EXD3: variants seen among roughly 807,000 people sequenced by gnomAD.
EXD3 encodes the protein exonuclease 3'-5' domain containing 3.
In EXD3, 92 loss-of-function variants were observed where a neutral mutation model predicts 98.0. The observed-to-expected ratio is 0.94, with a 90% confidence interval of 0.79 to 1.12. EXD3 has a LOEUF of 1.12. EXD3 is among the 50% of genes most tolerant of loss of function. The pLI is 0.00. For synonymous variants in EXD3, 569 were observed against 526.0 expected, an observed-to-expected ratio of 1.08 and a Z score of -1.12; for missense variants, 1,222 against 1,191.6, an observed-to-expected ratio of 1.03 and a Z score of -0.38.
At chr9:137,307,322 G>T in intron 21 of EXD3, 59 bp from the exon 22 acceptor site, 2 of 1,442,206 alleles carry the variant, frequency 1.4e-6, no homozygotes, top group Non-Finnish European at 1.8e-6. Flanking sequence ...CCCCCAGGCT[G>T]CTCCCAGAGT....
intron 1 of EXD3, among the ~76,000 whole-genome samples, chr9:137,422,657 T>C (rs893299500): frequency 1.3e-5 from 2 of 152,160 alleles, no homozygotes; most frequent in Non-Finnish European, 2.9e-5. Context: ...GGTTGACAAC[T>C]AATACAGGAC....
intron 19 of EXD3, among the ~76,000 whole-genome samples, chr9:137,310,632 C>T (rs1406551962): frequency 1.3e-5 from 2 of 152,184 alleles, no homozygotes; most frequent in African/African-American, 2.4e-5. Context: ...CGAGTCCTGA[C>T]TTGGAGCGGG....
Position 137,393,427 on chromosome 9 carries a change from G to T in EXD3, c.55+1876C>A, listed in dbSNP as rs932386585. 6.6e-6 allele frequency among the ~76,000 whole-genome samples: 1 copy of T among 152,290 alleles called. No individual in the cohort carries two copies. Among genetic ancestry groups the T allele is most frequent in the East Asian group, 1.9e-4 (1 of 5,184 alleles). On this transcript the variant is annotated intron_variant, in intron 2 of 21. Transcript: ENST00000340951. This position sits in a 1 kb window ranked among gnomAD's most constrained non-coding sequence, Gnocchi z 4.6. ...GGGGGTCTGGGCCCATCCCCAGAGGGGCAGGTGTGTGGTCAGGGCCCCACA... is the reference window on the plus strand; with the variant it reads ...GGGGGTCTGGGCCCATCCCCAGAGGTGCAGGTGTGTGGTCAGGGCCCCACA...
At chr9:137,337,743 G>A (rs952257982) in intron 17 of EXD3, among the ~76,000 whole-genome samples, 5 of 151,792 alleles carry the variant, frequency 3.3e-5, no homozygotes, top group Non-Finnish European at 7.4e-5. Context: ...GAGGGAGAGA[G>A]GGGGAGAGAG....
chr9:137,354,277 T>C, intron 10 of EXD3, 62 bp downstream of exon 10: 1 of 1,594,920 alleles, frequency 6.3e-7, no homozygotes, highest in Non-Finnish European at 8.5e-7. Flanking sequence ...GCTCCGGGCC[T>C]GTGCCCCTAG....
rs564834587 is a variant in EXD3, at chr9:137,407,629, G to C, written c.-47-12225C>G. On this transcript the variant is annotated intron_variant, in intron 1 of 21. Coordinates refer to ENST00000340951, the MANE Select transcript of EXD3 (RefSeq NM_017820.5). This position sits in a 1 kb window ranked among gnomAD's most constrained non-coding sequence, Gnocchi z 4.4. Reference sequence around the variant, plus strand: ...AGGGAAGGATGGAGACGCAGCTCCAGACCCCAGAGTGCGGCCCCCCAGACA... The same window carrying C: ...AGGGAAGGATGGAGACGCAGCTCCACACCCCAGAGTGCGGCCCCCCAGACA... Among the ~76,000 whole-genome samples, 46 of 152,306 alleles carry C rather than the reference G, an allele frequency of 3.0e-4. No homozygotes were observed. In the South Asian group the frequency reaches 9.5e-3, roughly 32 times the overall value.
At chr9:137,355,841 C>G (rs369289761) in intron 8 of EXD3, among the ~76,000 whole-genome samples, 1 of 152,190 alleles carries the variant, frequency 6.6e-6, no homozygotes, top group Non-Finnish European at 1.5e-5. Context: ...AGTGCATCTT[C>G]CCGGCCCTTG....
chr9:137,356,515 C>T (rs944597796), intron 7 of EXD3, 147 bp from the exon 8 acceptor site: 5 of 607,656 alleles, frequency 8.2e-6, no homozygotes, highest in African/African-American at 1.8e-5. Context: ...CCCCCGCCCA[C>T]CCCATCCTTA....
chr9:137,358,252 G>A (rs765119999), intron 7 of EXD3, among the ~76,000 whole-genome samples: 16 of 152,198 alleles, frequency 1.1e-4, no homozygotes, highest in South Asian at 4.2e-4. Flanking sequence ...TGTGCACGGC[G>A]TGGCCTGGTA....
intron 3 of EXD3, among the ~76,000 whole-genome samples, chr9:137,375,389 C>G (rs1265922097): frequency 6.6e-6 from 1 of 152,204 alleles, no homozygotes; most frequent in Non-Finnish European, 1.5e-5. Flanking sequence ...AGTTCTAGTT[C>G]TAGCGAGTTC....
chr9:137,332,937 A>G (rs1433454616), intron 17 of EXD3, among the ~76,000 whole-genome samples: 1 of 152,176 alleles, frequency 6.6e-6, no homozygotes, highest in East Asian at 1.9e-4. Context: ...GGATTGAAGG[A>G]TGCAAAGTAT....
intron 10 of EXD3, chr9:137,353,065 C>T (rs907941485): frequency 3.1e-6 from 4 of 1,272,950 alleles, no homozygotes; most frequent in Non-Finnish European, 4.0e-6. Context: ...GAAGGCTGCC[C>T]ACCTCAGTTC....
rs1266602070 is a variant in EXD3 at position 137,360,067 on chromosome 9, T to G, written c.657-3699A>C. ...TCCATGTCCTTGTCACCACTTGGTATGTTCGACTTTTAAATTTTAGCCTTC... is the reference window on the plus strand; with the variant it reads ...TCCATGTCCTTGTCACCACTTGGTAGGTTCGACTTTTAAATTTTAGCCTTC... On this transcript the variant is annotated intron_variant, in intron 7 of 21. Coordinates refer to ENST00000340951, the MANE Select transcript of EXD3 (RefSeq NM_017820.5). 2.3e-5 allele frequency among the ~76,000 whole-genome samples: 2 copies of G among 86,672 alleles called. 1 individual carries two copies. Among genetic ancestry groups the G allele is most frequent in the African/African-American group, 6.4e-5 (2 of 31,266 alleles). The allele number at this position is 86,672 out of a possible 152,430, so 56.9% of individuals were successfully genotyped here.
In EXD3 at chr9:137,395,439, C is replaced by A; in HGVS notation, c.-47-35G>T. On this transcript the variant is annotated intron_variant, in intron 1 of 21. Transcript: ENST00000340951. This position sits in a 1 kb window ranked among gnomAD's most constrained non-coding sequence, Gnocchi z 6.5. ...CAGACAATCAGGTGAATGCAGAGCC[C>A]ACTGCAACAGGCAGCCATGCAGAGC... 6.3e-7 allele frequency: 1 copy of A among 1,596,374 alleles called. No individual in the cohort carries two copies.
intron 5 of EXD3, among the ~76,000 whole-genome samples, 156 bp from the exon 6 acceptor site, chr9:137,368,145 G>A (rs1333905054): frequency 6.6e-6 from 1 of 152,212 alleles, no homozygotes; most frequent in Non-Finnish European, 1.5e-5. Context: ...CAGGCCGAGG[G>A]GCCTGGCCTG....
chr9:137,368,633 C>A (rs1434826529), intron 5 of EXD3, among the ~76,000 whole-genome samples: 2 of 152,246 alleles, frequency 1.3e-5, no homozygotes, highest in African/African-American at 4.8e-5. Context: ...CCCACGAGAG[C>A]AGCCCGCGGA....
intron 17 of EXD3, among the ~76,000 whole-genome samples, chr9:137,327,932 T>C (rs1230505064): frequency 4.3e-5 from 4 of 92,516 alleles, no homozygotes; most frequent in African/African-American, 1.7e-4. Context: ...TCCCATATGC[T>C]GAGTAAAACA....
intron 19 of EXD3, among the ~76,000 whole-genome samples, chr9:137,316,604 C>T (rs1244671228): frequency 2.6e-5 from 4 of 152,240 alleles, no homozygotes; most frequent in Non-Finnish European, 4.4e-5. Context: ...CGGTGATGGT[C>T]CCGCCATCGA....
At chr9:137,416,531 G>A (rs1418317431) in intron 1 of EXD3, among the ~76,000 whole-genome samples, 1 of 151,588 alleles carries the variant, frequency 6.6e-6, no homozygotes, top group African/African-American at 2.4e-5. Flanking sequence ...CCGGAACCTC[G>A]CTGGTCCCCG....
Sources: gnomAD v4.1 joint callset for allele counts (sites outside exome capture counted in the v4.1 genomes callset) on GRCh38, gnomAD v4.1.1 for gene constraint, Gnocchi (gnomAD v3.1) non-coding constraint, MANE v1.5 for transcripts, NCBI Gene and HGNC (gene_info 2026-07-23, HGNC 2026-07-21) for gene names.